The following MMP16 variants were observed in gnomAD, a reference collection of about 807,000 sequenced individuals.
The protein encoded by MMP16 is matrix metalloproteinase-16.
Under a neutral mutation model 67.8 loss-of-function variants are expected in MMP16, and 12 were observed. The ratio of observed to expected loss-of-function variants is 0.18; its 90% CI spans 0.11 to 0.29. The LOEUF (loss-of-function observed/expected upper bound fraction) is 0.29. MMP16 is among the 10% of genes least tolerant of loss of function. The pLI is 1.00. For missense variants in MMP16, 475 were observed against 765.7 expected (o/e 0.62, Z 4.48); for synonymous variants, 249 against 255.9 (o/e 0.97, Z 0.26).
intron 1 of MMP16, among the ~76,000 whole-genome samples, chr8:88,263,960 T>C (rs1004759092): frequency 1.6e-5 from 2 of 127,612 alleles, no homozygotes. Flanking sequence ...ATGGCATATA[T>C]AGAGAGAGAG....
chr8:88,044,896 A>G (rs1295255817), intron 9 of MMP16, among the ~76,000 whole-genome samples: 1 of 152,166 alleles, frequency 6.6e-6, no homozygotes, highest in East Asian at 1.9e-4. Flanking sequence ...TTAGCTGTAT[A>G]GCTTCTTAAG....
chr8:88,195,671 T>C (rs2129777634), intron 2 of MMP16, among the ~76,000 whole-genome samples: 1 of 152,280 alleles, frequency 6.6e-6, no homozygotes, highest in South Asian at 2.1e-4. Context: ...TTGCAGTGAT[T>C]AGAGGGCAGC....
chr8:88,314,941 A>AC (rs1191832543), intron 1 of MMP16, among the ~76,000 whole-genome samples: 5 of 152,140 alleles, frequency 3.3e-5, no homozygotes, highest in African/African-American at 1.2e-4. Context: ...GTCCAGCTCA[A>AC]CCTGAGTTCC....
chr8:88,165,398 T>C (rs1352947412), intron 4 of MMP16, among the ~76,000 whole-genome samples: 1 of 151,962 alleles, frequency 6.6e-6, no homozygotes, highest in African/African-American at 2.4e-5. Flanking sequence ...TTTACAATTG[T>C]TTTAATGATT....
intron 4 of MMP16, among the ~76,000 whole-genome samples, chr8:88,155,483 T>C (rs1443554817): frequency 6.6e-6 from 1 of 152,080 alleles, no homozygotes; most frequent in Non-Finnish European, 1.5e-5. Flanking sequence ...ATAAAATGAG[T>C]TCTGAATTGC....
intron 1 of MMP16, among the ~76,000 whole-genome samples, chr8:88,288,085 T>C (rs1266101778): frequency 6.6e-6 from 1 of 152,202 alleles, no homozygotes; most frequent in East Asian, 1.9e-4. Context: ...ACTTTGACAA[T>C]ACTAACTCAA....
chr8:88,275,581 C>T (rs1810635856), intron 1 of MMP16, among the ~76,000 whole-genome samples: 1 of 151,442 alleles, frequency 6.6e-6, no homozygotes, highest in African/African-American at 2.4e-5. Flanking sequence ...CAGTAACAAT[C>T]CCAGAGAACT....
At chr8:88,326,957 G>T in intron 1 of MMP16, 118 bp downstream of exon 1, 1 of 1,355,856 alleles carries the variant, frequency 7.4e-7, no homozygotes, top group Non-Finnish European at 1.0e-6. Flanking sequence ...ACAGCTGGAA[G>T]GGAAACAACG....
At chr8:88,088,089 T>TAGATATCTATATATC (rs1808872523) in intron 6 of MMP16, among the ~76,000 whole-genome samples, 1 of 140,416 alleles carries the variant, frequency 7.1e-6, no homozygotes, top group African/African-American at 2.9e-5. Context: ...TATCTATATA[T>TAGATATCTATATATC]AATAGATATC....
intron 1 of MMP16, among the ~76,000 whole-genome samples, chr8:88,254,630 C>A (rs77736301): frequency 0.041 from 6,161 of 152,012 alleles, 365 homozygotes; most frequent in East Asian, 0.3. Flanking sequence ...TAAAATAGAT[C>A]AACTGATAGC....
At position 88,206,063 on chromosome 8, in the gene MMP16, G is replaced by A. The variant is rs1463315778; in HGVS notation, c.133-8757C>T. Among the ~76,000 whole-genome samples, 28 of 151,162 alleles carry A rather than the reference G, an allele frequency of 1.9e-4. 1 individual carries two copies. The highest frequency in any genetic ancestry group is 1.8e-3 in the Admixed American group (28 of 15,186). On this transcript the variant is annotated intron_variant, in intron 1 of 9. Coordinates refer to ENST00000286614, the MANE Select transcript of MMP16 (RefSeq NM_005941.5). ...CAAGAAACTACAAGATTCTCCAGCT[G>A]GCCTCTGTGTTTTCATATTGCTACC...
intron 4 of MMP16, among the ~76,000 whole-genome samples, chr8:88,157,610 G>A (rs537921193): frequency 1.3e-5 from 2 of 151,786 alleles, no homozygotes; most frequent in Non-Finnish European, 2.9e-5. Flanking sequence ...CCACCACAGC[G>A]GCAAGAAATA....
At chr8:88,144,401 G>A (rs529423718) in intron 4 of MMP16, among the ~76,000 whole-genome samples, 1 of 151,582 alleles carries the variant, frequency 6.6e-6, no homozygotes, top group Non-Finnish European at 1.5e-5. Flanking sequence ...TAAAATTTTT[G>A]TTTAATTTAT....
chr8:88,242,024 A>G (rs551512690), intron 1 of MMP16, among the ~76,000 whole-genome samples: 1 of 152,282 alleles, frequency 6.6e-6, no homozygotes, highest in African/African-American at 2.4e-5. Context: ...ATGTATATCA[A>G]TTTTTCAGTT....
Position 88,058,221 on chromosome 8 carries a change from T to C in MMP16, c.1223-1943A>G, listed in dbSNP as rs146852070. On this transcript the variant is annotated intron_variant, in intron 7 of 9. Coordinates refer to ENST00000286614, the MANE Select transcript of MMP16 (RefSeq NM_005941.5). The surrounding 1 kb of genome is among the most constrained non-coding windows in gnomAD (Gnocchi z 4.2). ...TAATGAGTTGGAATCTTACTTAGAG[T>C]GTACTGGAGGCCATCAAGGAGATTA... 3.1e-3 allele frequency among the ~76,000 whole-genome samples: 472 copies of C among 152,154 alleles called. 2 individuals are homozygous for C. Among genetic ancestry groups the C allele is most frequent in the African/African-American group, 0.011 (446 of 41,522 alleles).
At chr8:88,258,050 T>C (rs1810330976) in intron 1 of MMP16, among the ~76,000 whole-genome samples, 1 of 147,658 alleles carries the variant, frequency 6.8e-6, no homozygotes, top group Non-Finnish European at 1.5e-5. Context: ...TTTTCTTTTT[T>C]TTTTTTTTTC....
chr8:88,041,865 C>T lies in MMP16; in HGVS notation c.1490-70G>A. On this transcript the variant is annotated intron_variant, in intron 9 of 9. Coordinates refer to ENST00000286614, the MANE Select transcript of MMP16 (RefSeq NM_005941.5). This position sits in a 1 kb window ranked among gnomAD's most constrained non-coding sequence, Gnocchi z 6.0. ...ACAGTGTATATGTAGAGAAATGTTA[C>T]TAAAATAGGCTATGTCTTAAGAGAT... 1 of 1,126,924 alleles carries T rather than the reference C, an allele frequency of 8.9e-7. No homozygotes were observed. The highest frequency in any genetic ancestry group is 1.3e-6 in the Non-Finnish European group (1 of 785,514). The allele number at this position is 1,126,924 out of a possible 1,614,324, so 69.8% of individuals were successfully genotyped here.
chr8:88,120,182 GA>G (rs1354727323), intron 4 of MMP16, among the ~76,000 whole-genome samples: 2 of 151,272 alleles, frequency 1.3e-5, no homozygotes, highest in African/African-American at 2.4e-5. Context: ...ATAGGAGGAA[GA>G]AAAAAAAGAA....
chr8:88,061,509 C>T lies in MMP16; in HGVS notation c.1223-5231G>A, dbSNP rs117806805. Among the ~76,000 whole-genome samples, 651 of 152,052 alleles carry T rather than the reference C, an allele frequency of 4.3e-3. 6 individuals carry two copies. Among genetic ancestry groups the T allele is most frequent in the Non-Finnish European group, 5.4e-3 (366 of 67,978 alleles). ...CATTCTAGTATGCTTTTGATCACTT[C>T]CTTTTGCAGCTCCTAAATTTGCTTA... On this transcript the variant is annotated intron_variant, in intron 7 of 9. Transcript: ENST00000286614.
Sources: gnomAD v4.1 joint callset for allele counts (sites outside exome capture counted in the v4.1 genomes callset) on GRCh38, gnomAD v4.1.1 for gene constraint, Gnocchi (gnomAD v3.1) non-coding constraint, MANE v1.5 for transcripts, NCBI Gene and HGNC (gene_info 2026-07-23, HGNC 2026-07-21) for gene names.